KIF21A: variants seen among roughly 807,000 people sequenced by gnomAD.
KIF21A encodes the protein kinesin family member 21A.
Under a neutral mutation model 202.9 loss-of-function variants are expected in KIF21A, and 114 were observed. The ratio of observed to expected loss-of-function variants is 0.56; its 90% confidence interval spans 0.48 to 0.66. The LOEUF is 0.66. Among genes scored for constraint, KIF21A ranks in the 30% least tolerant of loss-of-function variants. KIF21A has a pLI of 0.00. For synonymous variants in KIF21A, 667 were observed against 670.8 expected (o/e 0.99, Z 0.09); for missense variants, 1,677 against 1,994.9 (o/e 0.84, Z 3.04).
In KIF21A at chr12:39,369,739, T is replaced by G; in HGVS notation, c.440A>C (p.Gln147Pro). 4 of 1,612,154 alleles carry G rather than the reference T, an allele frequency of 2.5e-6. No individual in the cohort carries two copies. Among genetic ancestry groups the G allele is most frequent in the Non-Finnish European group, 3.4e-6 (4 of 1,179,198 alleles). Reference sequence around the variant, plus strand: ...AAATTGGATTATTACCTCTAAGAATTGGGCATTCACTTTAAAATCTGGAGC... The same window carrying G: ...AAATTGGATTATTACCTCTAAGAATGGGGCATTCACTTTAAAATCTGGAGC... ...LPAPDFKVNA[Q>P]FLELYNEEVL... Residue 147 changes from glutamine (Q) to proline (P), a missense_variant, in exon 3 of 38, where the codon CAA (glutamine) becomes CCA (proline). Gln to Pro is a moderately conservative substitution (Grantham distance 76). Around this residue, in one of 3 missense-constraint regions of KIF21A, gnomAD observed 966 missense variants for 1,180.9 expected, o/e 0.82. Coordinates refer to ENST00000361418, the MANE Select transcript of KIF21A (RefSeq NM_001173464.2).
At chr12:39,302,279 T>C (rs1375381122) in intron 36 of KIF21A, among the ~76,000 whole-genome samples, 1 of 152,212 alleles carries the variant, frequency 6.6e-6, no homozygotes, top group African/African-American at 2.4e-5. Context: ...AATGCAACAC[T>C]GTATATGCAT....
intron 28 of KIF21A, among the ~76,000 whole-genome samples, chr12:39,318,814 A>G (rs1722858113): frequency 6.6e-6 from 1 of 152,136 alleles, no homozygotes; most frequent in Admixed American, 6.5e-5. Flanking sequence ...CCCCGTCCCT[A>G]CTAAAAATAC....
intron 1 of KIF21A, among the ~76,000 whole-genome samples, chr12:39,399,582 A>G (rs532325477): frequency 6.6e-6 from 1 of 152,362 alleles, no homozygotes; most frequent in Admixed American, 6.5e-5. Context: ...TATAAACATG[A>G]GACATATGAG....
At chr12:39,337,055 G>T in intron 17 of KIF21A, 41 bp downstream of exon 17, 3 of 1,344,042 alleles carry the variant, frequency 2.2e-6, no homozygotes, top group South Asian at 1.2e-5. Context: ...CTTTTTCAAC[G>T]TACAATTTTC....
intron 1 of KIF21A, among the ~76,000 whole-genome samples, chr12:39,373,118 T>C (rs2139250686): frequency 6.6e-6 from 1 of 152,300 alleles, no homozygotes; most frequent in Non-Finnish European, 1.5e-5. Context: ...GAGTAATTTG[T>C]AAAACAGGAA....
rs1942088153 is a variant in KIF21A, at chr12:39,294,356, C to A, written c.*68G>T. 3 of 1,224,900 alleles carry A rather than the reference C, an allele frequency of 2.4e-6. No homozygotes were observed. Among genetic ancestry groups the A allele is most frequent in the Non-Finnish European group, 3.6e-6 (3 of 826,636 alleles). The allele number at this position is 1,224,900 out of a possible 1,614,324, so 75.9% of individuals were successfully genotyped here. ...TACGTTTTGCCTAGTAAGTACAGGA[C>A]AACATTTTCCATAAAGAATACAGAG... On this transcript the variant is annotated 3_prime_UTR_variant, in exon 38 of 38. Transcript: ENST00000361418.
chr12:39,300,066 C>G lies in KIF21A; in HGVS notation c.4931+1414G>C, dbSNP rs575016697. Among the ~76,000 whole-genome samples the G allele has an allele frequency of 5.9e-5, 9 of 151,658 alleles. No individual in the cohort carries two copies. The East Asian group carries it at 1.7e-3, about 29-fold the overall frequency. The stretch of plus-strand genomic sequence containing the variant: ...CAAACACTGGTGACACAAGTTTACC[C>G]ATATAAAAAACCAGCACATGTACCC... On this transcript the variant is annotated intron_variant, in intron 37 of 37. Transcript: ENST00000361418.
chr12:39,375,606 G>A (rs957373996), intron 1 of KIF21A, among the ~76,000 whole-genome samples: 25 of 152,028 alleles, frequency 1.6e-4, no homozygotes, highest in African/African-American at 5.1e-4. Flanking sequence ...CACTGCCCCC[G>A]ATGGATTGAA....
At chr12:39,363,291 A>G (rs1303740684) in intron 6 of KIF21A, 78 bp from the exon 7 acceptor site, 7 of 828,022 alleles carry the variant, frequency 8.5e-6, no homozygotes, top group Non-Finnish European at 2.0e-6. Flanking sequence ...GAAAGTTTAC[A>G]GAGAATAATA....
At chr12:39,358,777 C>T (rs1188651484) in intron 7 of KIF21A, among the ~76,000 whole-genome samples, 1 of 152,084 alleles carries the variant, frequency 6.6e-6, no homozygotes, top group Non-Finnish European at 1.5e-5. Flanking sequence ...ACTTTTGATG[C>T]CAGCAAAGAA....
chr12:39,362,300 G>C (rs1949296909), intron 7 of KIF21A, among the ~76,000 whole-genome samples: 1 of 152,090 alleles, frequency 6.6e-6, no homozygotes, highest in African/African-American at 2.4e-5. Context: ...AAGAAACCTT[G>C]CTAGTTTAAA....
intron 1 of KIF21A, among the ~76,000 whole-genome samples, chr12:39,437,386 C>A (rs1938959605): frequency 6.6e-6 from 1 of 152,162 alleles, no homozygotes; most frequent in Non-Finnish European, 1.5e-5. Context: ...TGACTATCAA[C>A]CCACATTTTG....
chr12:39,345,251 TA>T lies in KIF21A; in HGVS notation c.1712+1214del, dbSNP rs1947796342. On this transcript the variant is annotated intron_variant, in intron 12 of 37. Transcript: ENST00000361418. ...AAGGACTTGAATATTTTATGGTGAT[TA>T]AATGCTTCCACACACAACTTTAATG... 2.6e-5 allele frequency among the ~76,000 whole-genome samples: 4 copies of T among 152,292 alleles called. No homozygotes were observed. The South Asian group carries it at 8.3e-4, about 32-fold the overall frequency.
rs773694301 is a variant in KIF21A, at chr12:39,330,901, G to T, written c.3164C>A (p.Ala1055Asp). Reference protein sequence around the residue: ...LSMGINKGLQAAQKEAQIKVL... With the variant: ...LSMGINKGLQDAQKEAQIKVL... ...TTTAATTTGAGCCTCTTTCTGGGCA[G>T]CCTGAAGACCCTGAAACACAACAAA... is the stretch of plus-strand genomic sequence containing the variant. Residue 1055 changes from alanine to aspartate, a missense_variant, in exon 23 of 38, where the codon GCT becomes GAT. Physicochemically the swap from Ala to Asp is moderately radical, Grantham distance 126. Transcript: ENST00000361418. 4 of 1,613,908 alleles carry T rather than the reference G, an allele frequency of 2.5e-6. No homozygotes were observed. Among genetic ancestry groups the T allele is most frequent in the Admixed American group, 1.7e-5 (1 of 60,008 alleles).
chr12:39,311,202 T>C, intron 32 of KIF21A, among the ~76,000 whole-genome samples: 1 of 151,986 alleles, frequency 6.6e-6, no homozygotes, highest in Non-Finnish European at 1.5e-5. Context: ...TAGAGAGATG[T>C]ATTCTGTCAC....
intron 9 of KIF21A, 39 bp from the exon 10 acceptor site, chr12:39,356,934 T>C: frequency 1.0e-6 from 1 of 978,700 alleles, no homozygotes; most frequent in South Asian, 1.4e-5. Context: ...TTCCTTTAAA[T>C]TAAGACTTCA....
chr12:39,309,576 A>G lies in KIF21A; in HGVS notation c.4277+10T>C. Reference sequence around the variant, plus strand: ...TCCTCCTTTATGCTATATGTCTTCAAGTTACTTACGTTAGTGTTCGAATGC... The same window carrying G: ...TCCTCCTTTATGCTATATGTCTTCAGGTTACTTACGTTAGTGTTCGAATGC... On this transcript the variant is annotated intron_variant, in intron 33 of 37. Transcript: ENST00000361418. 5 of 1,598,756 alleles carry G rather than the reference A, an allele frequency of 3.1e-6. No individual in the cohort carries two copies. Among genetic ancestry groups the G allele is most frequent in the Non-Finnish European group, 4.3e-6 (5 of 1,170,174 alleles).
At chr12:39,437,155 T>TGC (rs1938924304) in intron 1 of KIF21A, among the ~76,000 whole-genome samples, 1 of 152,216 alleles carries the variant, frequency 6.6e-6, no homozygotes, top group Non-Finnish European at 1.5e-5. Flanking sequence ...GGGCATATTA[T>TGC]AGTATTAACT....
chr12:39,311,338 G>A (rs1944007585), intron 32 of KIF21A, 79 bp downstream of exon 32: 1 of 1,330,114 alleles, frequency 7.5e-7, no homozygotes, highest in Non-Finnish European at 1.1e-6. Context: ...TAGTTTGACA[G>A]TTTTCTAGAA....
Sources: gnomAD v4.1 joint callset for allele counts (sites outside exome capture counted in the v4.1 genomes callset) on GRCh38, gnomAD v4.1.1 for gene constraint, gnomAD v4.1.1 regional missense constraint, MANE v1.5 for transcripts, NCBI Gene and HGNC (gene_info 2026-07-23, HGNC 2026-07-21) for gene names.